Variants in NRXN3 observed in about 807,000 individuals in gnomAD.
NRXN3 encodes neurexin III.
In NRXN3, 32 loss-of-function variants were observed where a neutral mutation model predicts 137.6. The observed-to-expected ratio is 0.23, with a 90% CI of 0.18 to 0.31. NRXN3 has a LOEUF of 0.31. Among genes scored for constraint, NRXN3 ranks in the 10% least tolerant of loss-of-function variants. NRXN3 has a pLI of 1.00. For synonymous variants in NRXN3, 798 were observed against 784.5 expected (o/e 1.02, Z -0.29); for missense variants, 1,574 against 2,062.5 (o/e 0.76, Z 4.59).
intron 20 of NRXN3, among the ~76,000 whole-genome samples, chr14:79,830,611 G>T (rs1419247565): frequency 6.6e-6 from 1 of 152,186 alleles, no homozygotes; most frequent in African/African-American, 2.4e-5. Flanking sequence ...AATGCCACCA[G>T]CCAGGATTAT....
rs115336870 is a variant in NRXN3 at position 79,262,805 on chromosome 14, C to T, written c.3263-204416C>T. ...AAATGGCTATGGACATTCACAGAAA[C>T]CTGGAGAAAGTGGATGGCTCCTGGG... On this transcript the variant is annotated intron_variant, in intron 15 of 20. Coordinates refer to ENST00000335750, the MANE Select transcript of NRXN3 (RefSeq NM_001330195.2). Among the ~76,000 whole-genome samples the T allele has an allele frequency of 3.0e-3, 459 of 152,180 alleles. 1 individual carries two copies. Among genetic ancestry groups the T allele is most frequent in the African/African-American group, 0.01 (434 of 41,510 alleles).
intron 16 of NRXN3, among the ~76,000 whole-genome samples, chr14:79,508,406 T>TTTTTTTTTTTTTTTTTTTTTG (rs67924687): frequency 2.1e-5 from 3 of 143,704 alleles, no homozygotes; most frequent in Middle Eastern, 3.5e-3. Context: ...TTTTTTTTTT[T>TTTTTTTTTTTTTTTTTTTTTG]AAGACAGAGT....
At chr14:79,004,374 T>C (rs2099547933) in intron 15 of NRXN3, among the ~76,000 whole-genome samples, 1 of 152,056 alleles carries the variant, frequency 6.6e-6, no homozygotes, top group Admixed American at 6.6e-5. Flanking sequence ...GCCTCCCGAG[T>C]AGCTGGGACT....
At chr14:79,354,220 G>C (rs1317042616) in intron 15 of NRXN3, among the ~76,000 whole-genome samples, 1 of 151,986 alleles carries the variant, frequency 6.6e-6, no homozygotes, top group South Asian at 2.1e-4. Flanking sequence ...CTTGTGATGA[G>C]GTTTCTTCAA....
At chr14:78,798,446 T>A (rs1009749310) in intron 8 of NRXN3, among the ~76,000 whole-genome samples, 2 of 152,206 alleles carry the variant, frequency 1.3e-5, no homozygotes, top group Non-Finnish European at 2.9e-5. Flanking sequence ...TCCACCCCTG[T>A]GGGTTTGCAG....
At chr14:78,749,566 T>C (rs1262555760) in intron 8 of NRXN3, among the ~76,000 whole-genome samples, 1 of 152,178 alleles carries the variant, frequency 6.6e-6, no homozygotes, top group Non-Finnish European at 1.5e-5. Context: ...TTAACAACAG[T>C]TTTCAAATCT....
At position 78,708,227 on chromosome 14, in the gene NRXN3, G is replaced by A. The variant is rs114307580; in HGVS notation, c.1222-990G>A. The stretch of plus-strand genomic sequence containing the variant: ...CCCACTCTGCAGGACAGTGGCCATG[G>A]CTTTGCAGAAGTGTACACTAACCTT... On this transcript the variant is annotated intron_variant, in intron 6 of 20. Transcript: ENST00000335750. Among the ~76,000 whole-genome samples, 1,400 of 152,304 alleles carry A rather than the reference G, an allele frequency of 9.2e-3. 28 individuals are homozygous for A. Among genetic ancestry groups the A allele is most frequent in the African/African-American group, 0.031 (1,306 of 41,550 alleles).
chr14:78,751,527 G>A (rs139937734), intron 8 of NRXN3, among the ~76,000 whole-genome samples: 7 of 152,080 alleles, frequency 4.6e-5, no homozygotes, highest in Admixed American at 2.0e-4. Flanking sequence ...TACAGCTAGC[G>A]CTAATCTAAA....
chr14:79,230,693 G>C (rs2072014766), intron 15 of NRXN3, among the ~76,000 whole-genome samples: 1 of 152,126 alleles, frequency 6.6e-6, no homozygotes, highest in African/African-American at 2.4e-5. Context: ...CATGGAGCAA[G>C]CATCTTTGTG....
At chr14:79,835,537 A>AT (rs1391848823) in intron 20 of NRXN3, among the ~76,000 whole-genome samples, 14 of 152,136 alleles carry the variant, frequency 9.2e-5, no homozygotes, top group South Asian at 4.2e-4. Context: ...CCATATATAC[A>AT]TTTTTTGGGG....
chr14:79,162,594 A>G lies in NRXN3; in HGVS notation c.3262+174453A>G, dbSNP rs1311273817. Among the ~76,000 whole-genome samples, 6 of 151,932 alleles carry G rather than the reference A, an allele frequency of 3.9e-5. No homozygotes were observed. In the East Asian group the frequency reaches 5.8e-4, roughly 15 times the overall value. On this transcript the variant is annotated intron_variant, in intron 15 of 20. Transcript: ENST00000335750. The stretch of plus-strand genomic sequence containing the variant: ...ATTTATGCAGCCAAAAAACACATGA[A>G]AAAATGCTCACCATCACTGGCCATC...
At chr14:79,554,010 G>A (rs560630019) in intron 16 of NRXN3, among the ~76,000 whole-genome samples, 1 of 152,248 alleles carries the variant, frequency 6.6e-6, no homozygotes, top group South Asian at 2.1e-4. Flanking sequence ...AAGGCTTTGG[G>A]GAAGTGAAAC....
intron 4 of NRXN3, among the ~76,000 whole-genome samples, chr14:78,332,126 G>A (rs2080889372): frequency 6.6e-6 from 1 of 152,052 alleles, no homozygotes; most frequent in South Asian, 2.1e-4. Context: ...GAGTAATAAT[G>A]AAGACCTCAT....
intron 16 of NRXN3, among the ~76,000 whole-genome samples, chr14:79,584,844 G>C (rs1383668915): frequency 6.6e-6 from 1 of 152,142 alleles, no homozygotes; most frequent in Non-Finnish European, 1.5e-5. Context: ...GCAAAAGCAT[G>C]AATCAGCAGG....
chr14:79,060,542 G>GT lies in NRXN3; in HGVS notation c.3262+72410dup, dbSNP rs200309208. ...ATGTATGTGTAGTTCAAATACTCTA[G>GT]TTTTTTTTTAGCATAAAGTGCTGTG... On this transcript the variant is annotated intron_variant, in intron 15 of 20. Coordinates refer to ENST00000335750, the MANE Select transcript of NRXN3 (RefSeq NM_001330195.2). 1.9e-3 allele frequency among the ~76,000 whole-genome samples: 281 copies of GT among 151,250 alleles called. 4 individuals carry two copies. The South Asian group carries it at 0.027, about 15-fold the overall frequency.
intron 2 of NRXN3, among the ~76,000 whole-genome samples, chr14:78,273,593 C>T (rs2073119986): frequency 6.6e-6 from 1 of 152,202 alleles, no homozygotes; most frequent in Non-Finnish European, 1.5e-5. Flanking sequence ...GTGGATGCTC[C>T]TGTTAGACCA....
intron 8 of NRXN3, among the ~76,000 whole-genome samples, chr14:78,758,625 C>T (rs1247317217): frequency 1.3e-5 from 2 of 152,234 alleles, no homozygotes; most frequent in East Asian, 3.8e-4. Context: ...CTGCATTCCA[C>T]CTTCAGGGCA....
chr14:79,565,340 TATGTGTGCGTATATGTATACAC>T (rs2097541021), intron 16 of NRXN3, among the ~76,000 whole-genome samples: 1 of 124,978 alleles, frequency 8.0e-6, no homozygotes, highest in African/African-American at 3.1e-5. Flanking sequence ...TATATATACA[TATGTGTGCGTATATGTATACAC>T]ACACACATAT....
At chr14:79,266,171 A>G (rs2078437152) in intron 15 of NRXN3, among the ~76,000 whole-genome samples, 1 of 152,172 alleles carries the variant, frequency 6.6e-6, no homozygotes, top group Non-Finnish European at 1.5e-5. Flanking sequence ...AGGGACTAAA[A>G]TCCAGATATT....
Sources: gnomAD v4.1 joint callset for allele counts (sites outside exome capture counted in the v4.1 genomes callset) on GRCh38, gnomAD v4.1.1 for gene constraint, MANE v1.5 for transcripts, NCBI Gene and HGNC (gene_info 2026-07-23, HGNC 2026-07-21) for gene names.